PCID2: variants seen among roughly 807,000 people sequenced by gnomAD.
The protein encoded by PCID2 is PCI domain-containing protein 2.
PCID2 carries 41 observed loss-of-function variants against 61.3 expected under a neutral mutation model. The ratio of observed to expected loss-of-function variants is 0.67; its 90% CI spans 0.52 to 0.87. PCID2 has a LOEUF of 0.87. Ranked by LOEUF, PCID2 falls within the 40% of genes least tolerant of loss-of-function variation. PCID2 has a pLI of 0.00. For synonymous variants in PCID2, 187 were observed against 177.8 expected (o/e 1.05, Z -0.41); for missense variants, 392 against 493.4 (o/e 0.79, Z 1.95).
chr13:113,196,944 G>A lies in PCID2; in HGVS notation c.266+234C>T, dbSNP rs1595237716. 2.8e-6 allele frequency: 3 copies of A among 1,077,442 alleles called. No individual in the cohort carries two copies. The African/African-American group carries it at 4.6e-5, about 17-fold the overall frequency. 66.7% of individuals were successfully genotyped at this position (1,077,442 alleles called of 1,614,324 possible). ...AGCATTCTTCTTCTCAGCAGAGTAA[G>A]ATCCTTCTTCCTAACCAGTGTTCTT... On this transcript the variant is annotated intron_variant, in intron 4 of 13. Transcript: ENST00000337344.
At chr13:113,165,095 C>T in the PCID2 span, 5 of 1,612,464 alleles carry the variant, frequency 3.1e-6, no homozygotes, top group South Asian at 2.2e-5. Context: ...AAGCGTGCAC[C>T]GGATCTACAG....
intron 1 of PCID2, 85 bp from the exon 2 acceptor site, chr13:113,200,601 A>C (rs1326782114): frequency 3.3e-5 from 28 of 851,994 alleles, no homozygotes; most frequent in Non-Finnish European, 5.1e-5. Context: ...AATGCCACAC[A>C]GGGGAAAATT....
downstream of PCID2, among the ~76,000 whole-genome samples, chr13:113,176,344 A>G (rs1179008004): frequency 1.5e-5 from 2 of 133,224 alleles, no homozygotes; most frequent in Non-Finnish European, 3.3e-5. Flanking sequence ...TGTGTCCCCC[A>G]AATTTCTTAC....
chr13:113,178,836 TA>T (rs2037350739), intron 13 of PCID2, 129 bp downstream of exon 13: 1 of 807,724 alleles, frequency 1.2e-6, no homozygotes, highest in African/African-American at 1.7e-5. Context: ...TTTCCTGGGC[TA>T]AAATTAGTTC....
At chr13:113,177,462 C>A (rs771650528), downstream of PCID2, 2 of 152,184 alleles carry the variant, frequency 1.3e-5, no homozygotes, top group African/African-American at 2.4e-5. Context: ...AAAATAAAAT[C>A]GGCTTTGTGT....
chr13:113,170,299 C>CGGGGGGTGGGGGTGGGGGTG, the PCID2 span: 1 of 508,762 alleles, frequency 2.0e-6, no homozygotes, highest in African/African-American at 6.7e-5. Context: ...CTGCCTTTGG[C>CGGGGGGTGGGGGTGGGGGTG]GGGGGGTGGG....
the PCID2 span, chr13:113,171,996 G>C: frequency 3.1e-6 from 5 of 1,613,188 alleles, no homozygotes; most frequent in Non-Finnish European, 3.4e-6. The surrounding 1 kb of genome is among the most constrained non-coding windows in gnomAD (Gnocchi z 5.1). Flanking sequence ...AGAGGCTCCT[G>C]GTTTCTCACG....
At chr13:113,206,068 A>G (rs1223380909) in intron 1 of PCID2, among the ~76,000 whole-genome samples, 2 of 152,256 alleles carry the variant, frequency 1.3e-5, no homozygotes, top group Non-Finnish European at 2.9e-5. Context: ...AAGCATTTGG[A>G]ACTTTCCCTG....
At chr13:113,172,275 C>A in the PCID2 span, 1 of 856,366 alleles carries the variant, frequency 1.2e-6, no homozygotes, top group Non-Finnish European at 1.8e-6. Context: ...GGGTTGTTTA[C>A]CGAGCACTGT....
chr13:113,208,039 A>G (rs1566995776), intron 1 of PCID2: 3 of 1,612,822 alleles, frequency 1.9e-6, no homozygotes, highest in Non-Finnish European at 2.5e-6. Flanking sequence ...GTTGAACAAC[A>G]TCTGTCAGAC....
intron 1 of PCID2, among the ~76,000 whole-genome samples, chr13:113,205,343 A>G (rs1374766830): frequency 6.6e-6 from 1 of 152,248 alleles, no homozygotes. Context: ...ACCCAGCAGG[A>G]TGGCCATAAT....
chr13:113,170,640 T>C, the PCID2 span: 1 of 733,796 alleles, frequency 1.4e-6, no homozygotes, highest in Non-Finnish European at 2.4e-6. Flanking sequence ...AACATAGAAC[T>C]GAATTTACTG....
the PCID2 span, among the ~76,000 whole-genome samples, chr13:113,169,562 T>C: frequency 6.6e-6 from 1 of 152,258 alleles, no homozygotes; most frequent in Non-Finnish European, 1.5e-5. Context: ...TAGGACACAG[T>C]TAGGTTGGAA....
At chr13:113,167,087 A>C in the PCID2 span, among the ~76,000 whole-genome samples, 2 of 152,238 alleles carry the variant, frequency 1.3e-5, no homozygotes, top group African/African-American at 2.4e-5. Flanking sequence ...AAACTTTGAA[A>C]AGGAGAATAA....
intron 1 of PCID2, 128 bp downstream of exon 1, chr13:113,208,471 G>A: frequency 1.3e-6 from 2 of 1,531,572 alleles, no homozygotes; most frequent in Admixed American, 2.0e-5. Context: ...GCTGCCCGCC[G>A]GGGACCCGAA....
chr13:113,165,218 C>T, the PCID2 span: 5 of 1,292,324 alleles, frequency 3.9e-6, no homozygotes, highest in Non-Finnish European at 5.5e-6. Flanking sequence ...GTGAATCAGG[C>T]ATCCTGACTT....
At position 113,190,879 on chromosome 13, in the gene PCID2, T is replaced by C. The variant is rs767969417; in HGVS notation, c.460A>G (p.Ser154Gly). The change falls in exon 7 of 14, where the codon AGC (serine) becomes GGC (glycine). Residue 154 changes from serine (S) to glycine (G), a missense_variant. By Grantham distance (56) the Ser-to-Gly change is moderately conservative. Coordinates refer to ENST00000337344, the MANE Select transcript of PCID2 (RefSeq NM_001127202.4). Reference protein sequence around the residue: ...LLMSCFRVCASDTRAGIEDSK... With the variant: ...LLMSCFRVCAGDTRAGIEDSK... ...CCTCAAGTCCTTACTCACGTGTCGCTGGCACAGACCCGGAAACAGCTCATC... is the reference window on the plus strand; with the variant it reads ...CCTCAAGTCCTTACTCACGTGTCGCCGGCACAGACCCGGAAACAGCTCATC... 7.5e-6 allele frequency: 12 copies of C among 1,609,736 alleles called. No homozygotes were observed. In the Admixed American group the frequency reaches 1.3e-4, roughly 18 times the overall value.
At chr13:113,204,569 C>T (rs1340087019) in intron 1 of PCID2, among the ~76,000 whole-genome samples, 1 of 152,170 alleles carries the variant, frequency 6.6e-6, no homozygotes, top group Non-Finnish European at 1.5e-5. Context: ...TTGGCCACAC[C>T]TACCTGGGCT....
the PCID2 span, chr13:113,165,104 A>G: frequency 2.5e-6 from 4 of 1,612,166 alleles, no homozygotes; most frequent in East Asian, 2.2e-5. Context: ...CCGGATCTAC[A>G]GGACCTCCCG....
Sources: gnomAD v4.1 joint callset for allele counts (sites outside exome capture counted in the v4.1 genomes callset) on GRCh38, gnomAD v4.1.1 for gene constraint, Gnocchi (gnomAD v3.1) non-coding constraint, MANE v1.5 for transcripts, NCBI Gene and HGNC (gene_info 2026-07-23, HGNC 2026-07-21) for gene names.